CLMN: variants seen among roughly 807,000 people sequenced by gnomAD.
CLMN encodes the protein calmin, also known as calmin (calponin-like, transmembrane).
In CLMN, 57 loss-of-function variants were observed where a neutral mutation model predicts 92.7. The observed-to-expected ratio is 0.61, with a 90% CI of 0.50 to 0.77. The LOEUF (loss-of-function observed/expected upper bound fraction) is 0.77, where lower values mean the gene tolerates loss of function less well. Among genes scored for constraint, CLMN ranks in the 30% least tolerant of loss-of-function variants. The probability of loss-of-function intolerance (pLI) is 0.00; values close to 1 mark genes in which losing one functional copy is unlikely to be tolerated. For synonymous variants in CLMN, 466 were observed against 470.6 expected, an observed-to-expected ratio of 0.99 and a Z score of 0.13; for missense variants, 1,158 against 1,237.5, an observed-to-expected ratio of 0.94 and a Z score of 0.96.
intron 1 of CLMN, among the ~76,000 whole-genome samples, chr14:95,253,607 T>G (rs1036017698): frequency 1.5e-5 from 2 of 136,908 alleles, no homozygotes; most frequent in South Asian, 2.3e-4. Context: ...CAGTGTTTTT[T>G]TGTTTTTTTG....
chr14:95,297,185 G>A (rs1900841676), intron 1 of CLMN, among the ~76,000 whole-genome samples: 1 of 152,136 alleles, frequency 6.6e-6, no homozygotes, highest in South Asian at 2.1e-4. Context: ...AGTTCCTGTG[G>A]TTTTTAGGAG....
intron 1 of CLMN, among the ~76,000 whole-genome samples, chr14:95,272,466 G>A (rs181766319): frequency 1.3e-5 from 2 of 152,328 alleles, no homozygotes; most frequent in Admixed American, 1.3e-4. Context: ...GGCTTCTCCT[G>A]CACACCTACT....
At chr14:95,218,700 T>C (rs1212678770) in intron 4 of CLMN, among the ~76,000 whole-genome samples, 1 of 152,218 alleles carries the variant, frequency 6.6e-6, no homozygotes, top group Non-Finnish European at 1.5e-5. Context: ...GGGCTTGCCT[T>C]CCCACCGGGC....
intron 1 of CLMN, among the ~76,000 whole-genome samples, chr14:95,295,606 G>A (rs868113544): frequency 6.6e-6 from 1 of 152,188 alleles, no homozygotes; most frequent in South Asian, 2.1e-4. Flanking sequence ...AGTTTTCTGG[G>A]CTAAAAGAGC....
chr14:95,251,583 T>C (rs1209838725), intron 1 of CLMN, among the ~76,000 whole-genome samples: 1 of 152,184 alleles, frequency 6.6e-6, no homozygotes, highest in African/African-American at 2.4e-5. Flanking sequence ...ACTTGAGAGA[T>C]AGGTATTATT....
chr14:95,227,335 A>T (rs1897743119), intron 2 of CLMN, among the ~76,000 whole-genome samples: 1 of 152,182 alleles, frequency 6.6e-6, no homozygotes, highest in African/African-American at 2.4e-5. Context: ...CTTCGCTTCA[A>T]GGGCAACAGC....
At chr14:95,214,292 TA>T (rs1897270616) in intron 5 of CLMN, among the ~76,000 whole-genome samples, 1 of 150,910 alleles carries the variant, frequency 6.6e-6, no homozygotes, top group Non-Finnish European at 1.5e-5. Context: ...GGAAGTTTAA[TA>T]ACAGGTAGCA....
intron 9 of CLMN, among the ~76,000 whole-genome samples, chr14:95,198,038 CTTTCTTTTTTTTT>C (rs1004167832): frequency 1.6e-5 from 2 of 122,576 alleles, no homozygotes; most frequent in African/African-American, 5.9e-5. Context: ...ATCTTTTTTT[CTTTCTTTTTTTTT>C]TTTTTTTTTT....
At chr14:95,215,492 T>C (rs1264900060) in intron 5 of CLMN, 149 bp downstream of exon 5, 2 of 653,426 alleles carry the variant, frequency 3.1e-6, no homozygotes, top group Non-Finnish European at 5.3e-6. Flanking sequence ...GCAACCAGAT[T>C]CTTCTAGTGC....
chr14:95,305,853 T>C (rs921299150), intron 1 of CLMN, among the ~76,000 whole-genome samples: 7 of 152,174 alleles, frequency 4.6e-5, no homozygotes, highest in Admixed American at 2.0e-4. Context: ...TCTCTGTAGC[T>C]ACCCTAGAAG....
intron 1 of CLMN, among the ~76,000 whole-genome samples, chr14:95,303,274 C>G (rs1421245252): frequency 1.3e-5 from 2 of 152,252 alleles, no homozygotes; most frequent in African/African-American, 4.8e-5. Context: ...CTCATTCCCT[C>G]AGCGGTGTGG....
intron 1 of CLMN, among the ~76,000 whole-genome samples, chr14:95,258,423 ATG>A (rs1006212173): frequency 2.9e-5 from 4 of 135,856 alleles, no homozygotes. Context: ...TGTGTAGAGG[ATG>A]TGTTTGTATG....
At chr14:95,311,117 C>T (rs1325099837) in intron 1 of CLMN, among the ~76,000 whole-genome samples, 11 of 152,134 alleles carry the variant, frequency 7.2e-5, no homozygotes, top group Middle Eastern at 3.4e-3. Context: ...CCAGGACTGA[C>T]GGGACACGGG....
chr14:95,263,493 AG>A (rs1257980140), intron 1 of CLMN, among the ~76,000 whole-genome samples: 2 of 152,194 alleles, frequency 1.3e-5, no homozygotes, highest in Non-Finnish European at 2.9e-5. Flanking sequence ...GACACTGATG[AG>A]GGAATGAAGT....
chr14:95,234,302 C>T (rs964452732), intron 1 of CLMN, among the ~76,000 whole-genome samples: 2 of 152,226 alleles, frequency 1.3e-5, no homozygotes, highest in African/African-American at 4.8e-5. Context: ...TTGCTCTGGT[C>T]ACCGGCGTTT....
At chr14:95,290,972 A>T (rs994742402) in intron 1 of CLMN, among the ~76,000 whole-genome samples, 1 of 152,208 alleles carries the variant, frequency 6.6e-6, no homozygotes, top group African/African-American at 2.4e-5. Flanking sequence ...TGACACAAAC[A>T]CGTGCTTGCC....
intron 1 of CLMN, among the ~76,000 whole-genome samples, chr14:95,233,343 C>T (rs2140639978): frequency 6.6e-6 from 1 of 152,156 alleles, no homozygotes; most frequent in East Asian, 1.9e-4. Flanking sequence ...ACCCATCCAT[C>T]CATCCACCTA....
At chr14:95,228,127 G>T (rs1416365737) in intron 2 of CLMN, among the ~76,000 whole-genome samples, 1 of 152,070 alleles carries the variant, frequency 6.6e-6, no homozygotes. Flanking sequence ...TATTCACCAC[G>T]TGACCCTCTG....
intron 1 of CLMN, among the ~76,000 whole-genome samples, chr14:95,257,133 T>C (rs1899033391): frequency 6.6e-6 from 1 of 152,192 alleles, no homozygotes; most frequent in South Asian, 2.1e-4. Context: ...CTTCGTTAAA[T>C]TAGAATGCGT....
Sources: gnomAD v4.1 joint callset for allele counts (sites outside exome capture counted in the v4.1 genomes callset) on GRCh38, gnomAD v4.1.1 for gene constraint, MANE v1.5 for transcripts, NCBI Gene and HGNC (gene_info 2026-07-23, HGNC 2026-07-21) for gene names.